The following TP73 variants were observed in gnomAD, a reference collection of about 807,000 sequenced individuals.
The protein encoded by TP73 is p53-like transcription factor.
A neutral mutation model predicts 62.5 loss-of-function variants in TP73; 25 were observed. The observed-to-expected ratio is 0.40, with a 90% CI of 0.29 to 0.56. The LOEUF (loss-of-function observed/expected upper bound fraction) is 0.56. TP73 is among the 20% of genes least tolerant of loss of function. The probability of loss-of-function intolerance (pLI) is 0.46; values close to 1 mark genes in which losing one functional copy is unlikely to be tolerated. For missense variants in TP73, 754 were observed against 913.3 expected (o/e 0.83, Z 2.25); for synonymous variants, 423 against 377.5 (o/e 1.12, Z -1.40).
At chr1:3,682,603 A>G (rs1645551946) in intron 2 of TP73, among the ~76,000 whole-genome samples, 173 bp downstream of exon 2, 1 of 152,156 alleles carries the variant, frequency 6.6e-6, no homozygotes, top group Admixed American at 6.5e-5. Context: ...GGCAACCCTC[A>G]CTGGGATTCT....
intron 1 of TP73, among the ~76,000 whole-genome samples, chr1:3,664,955 A>G (rs1485691668): frequency 6.6e-6 from 1 of 152,212 alleles, no homozygotes. Flanking sequence ...AATTTGCACC[A>G]TGCACAATGC....
intron 6 of TP73, 99 bp downstream of exon 6, chr1:3,723,568 G>A: frequency 1.7e-6 from 1 of 597,148 alleles, no homozygotes. Flanking sequence ...TCAGTTGGCT[G>A]ATCTGCCTGC....
chr1:3,692,455 A>C (rs1280508184), intron 3 of TP73, among the ~76,000 whole-genome samples: 1 of 152,210 alleles, frequency 6.6e-6, no homozygotes, highest in Non-Finnish European at 1.5e-5. Context: ...CGGCTACATC[A>C]GGCATGGGGT....
chr1:3,693,638 G>C (rs1347657232), intron 3 of TP73, among the ~76,000 whole-genome samples: 1 of 152,094 alleles, frequency 6.6e-6, no homozygotes, highest in East Asian at 1.9e-4. Context: ...CTGCAGATGG[G>C]GACGCAGGGG....
In TP73 at chr1:3,731,574, C is replaced by A; in HGVS notation, c.1578+18C>A. 1 of 1,611,492 alleles carries A rather than the reference C, an allele frequency of 6.2e-7. No homozygotes were observed. The highest frequency in any genetic ancestry group is 8.5e-7 in the Non-Finnish European group (1 of 1,178,196). On this transcript the variant is annotated intron_variant, in intron 13 of 13. Transcript: ENST00000378295. ...CCATTGAGGTAACGCCCGGGTGGAC[C>A]CCGCTCTGCAGAGGCAGTAGCTGGA...
At chr1:3,720,737 C>G (rs911037200) in intron 4 of TP73, among the ~76,000 whole-genome samples, 2 of 152,226 alleles carry the variant, frequency 1.3e-5, no homozygotes. Flanking sequence ...GAGAGCCCCT[C>G]ATGTCCCTTG....
At chr1:3,726,395 GTGGATGGA>G (rs1553146527) in intron 6 of TP73, among the ~76,000 whole-genome samples, 2 of 91,094 alleles carry the variant, frequency 2.2e-5, no homozygotes, top group African/African-American at 8.9e-5. Flanking sequence ...AAATGGGGGA[GTGGATGGA>G]TGGATGGATG....
At chr1:3,661,798 CTATA>C (rs556611208) in intron 1 of TP73, among the ~76,000 whole-genome samples, 9 of 145,928 alleles carry the variant, frequency 6.2e-5, no homozygotes, top group African/African-American at 2.0e-4. Flanking sequence ...TATACATACA[CTATA>C]TATAATATAT....
rs913964439 is a variant in TP73 at position 3,667,627 on chromosome 1, G to A, written c.-33-14706G>A. 5.9e-5 allele frequency among the ~76,000 whole-genome samples: 9 copies of A among 152,008 alleles called. 1 individual carries two copies. Among genetic ancestry groups the A allele is most frequent in the African/African-American group, 1.7e-4 (7 of 41,378 alleles). On this transcript the variant is annotated intron_variant, in intron 1 of 13. Coordinates refer to ENST00000378295, the MANE Select transcript of TP73 (RefSeq NM_005427.4). ...TAGCCAGGCGTGGTGGCACGTGCCT[G>A]TAGTCCCAGCTATTCAGGAGGCTGA...
Position 3,733,081 on chromosome 1 carries a change from G to A in TP73, c.*2G>A. The A allele has an allele frequency of 6.6e-7, 1 of 1,526,474 alleles. No individual in the cohort carries two copies. Among genetic ancestry groups the A allele is most frequent in the South Asian group, 1.2e-5 (1 of 83,386 alleles). The allele number at this position is 1,526,474 out of a possible 1,614,324, so 94.6% of individuals were successfully genotyped here. ...TTCACGGAGGCCGAGATCCACTGAG[G>A]GCCTCGCCTGGCTGCAGCCTGCGCC... is the stretch of plus-strand genomic sequence containing the variant. On this transcript the variant is annotated 3_prime_UTR_variant, in exon 14 of 14. Coordinates refer to ENST00000378295, the MANE Select transcript of TP73 (RefSeq NM_005427.4).
chr1:3,727,883 C>A (rs917671805), intron 8 of TP73, 113 bp downstream of exon 8: 9 of 1,394,910 alleles, frequency 6.5e-6, no homozygotes, highest in Admixed American at 2.8e-5. Flanking sequence ...AACGGCCCCC[C>A]ACGCCCAGAC....
chr1:3,666,037 G>A lies in TP73; in HGVS notation c.-34+13396G>A, dbSNP rs375768758. On this transcript the variant is annotated intron_variant, in intron 1 of 13. Transcript: ENST00000378295. This position sits in a 1 kb window ranked among gnomAD's most constrained non-coding sequence, Gnocchi z 6.4. ...CTTGGGAGGCTGAGGCAGGAGAATC[G>A]CTTTTGAAGCCAGGAGGCGGAGTTT... is the stretch of plus-strand genomic sequence containing the variant. Among the ~76,000 whole-genome samples the A allele has an allele frequency of 3.4e-5, 5 of 146,510 alleles. No individual in the cohort carries two copies. The highest frequency in any genetic ancestry group is 4.1e-4 in the East Asian group (2 of 4,884).
At chr1:3,683,719 C>T (rs915700862) in intron 3 of TP73, among the ~76,000 whole-genome samples, 2 of 152,216 alleles carry the variant, frequency 1.3e-5, no homozygotes, top group African/African-American at 4.8e-5. Context: ...TCCCATAGTC[C>T]AGCAGTCCTG....
At chr1:3,690,666 G>A in intron 3 of TP73, 1 of 1,406,960 alleles carries the variant, frequency 7.1e-7, no homozygotes, top group African/African-American at 1.4e-5. Flanking sequence ...CGCGGGTTTT[G>A]TTGTTGGATT....
At chr1:3,717,145 CT>C (rs1323965346) in intron 4 of TP73, among the ~76,000 whole-genome samples, 1 of 152,268 alleles carries the variant, frequency 6.6e-6, no homozygotes, top group Non-Finnish European at 1.5e-5. Flanking sequence ...ATTATCACCT[CT>C]CCGCTGTCCT....
intron 1 of TP73, chr1:3,668,855 G>A (rs1474017000): frequency 6.6e-6 from 1 of 152,466 alleles, no homozygotes; most frequent in East Asian, 1.9e-4. Flanking sequence ...TGGCTGCCCT[G>A]AGCTCGGCCC....
At position 3,662,324 on chromosome 1, in the gene TP73, T is replaced by TA. The variant is rs1174794546; in HGVS notation, c.-34+9684dup. 6.6e-6 allele frequency: 1 copy of TA among 152,202 alleles called. No homozygotes were observed. The highest frequency in any genetic ancestry group is 2.4e-5 in the African/African-American group (1 of 41,426). 9.4% of individuals were successfully genotyped at this position (152,202 alleles called of 1,614,324 possible). A position where few individuals can be genotyped will look rare whatever the true frequency, so the allele number is the denominator to read the frequency against. On this transcript the variant is annotated intron_variant, in intron 1 of 13. Coordinates refer to ENST00000378295, the MANE Select transcript of TP73 (RefSeq NM_005427.4). This position sits in a 1 kb window ranked among gnomAD's most constrained non-coding sequence, Gnocchi z 4.4. ...AACAGGAGAAAACCCATTTTAATGA[T>TA]ATGTCCACGAATGGGAGTCCCACAC...
chr1:3,654,825 T>C (rs1415416395), intron 1 of TP73, among the ~76,000 whole-genome samples: 1 of 152,232 alleles, frequency 6.6e-6, no homozygotes, highest in Non-Finnish European at 1.5e-5. Flanking sequence ...GGGGCAAGGA[T>C]GCCTGGTTTA....
intron 3 of TP73, chr1:3,690,926 C>G: frequency 1.3e-6 from 2 of 1,581,002 alleles, no homozygotes; most frequent in Non-Finnish European, 8.6e-7. Flanking sequence ...TCGGTGACCC[C>G]GCACGGCACC....
Sources: allele counts gnomAD v4.1 joint callset (sites outside exome capture counted in the v4.1 genomes callset), GRCh38; gene constraint gnomAD v4.1.1; non-coding constraint Gnocchi (gnomAD v3.1); transcripts MANE v1.5; gene names NCBI Gene and HGNC (gene_info 2026-07-23, HGNC 2026-07-21).